Variants in RGS12 observed in about 807,000 individuals in gnomAD.
RGS12 encodes regulator of G protein signaling 12, also known as regulator of G-protein signaling 12.
Under a neutral mutation model 120.1 loss-of-function variants are expected in RGS12, and 66 were observed. The observed-to-expected ratio is 0.55, with a 90% confidence interval of 0.45 to 0.67. RGS12 has a LOEUF of 0.67. RGS12 is among the 30% of genes least tolerant of loss of function. RGS12 has a pLI of 0.00. For synonymous variants in RGS12, 827 were observed against 804.7 expected, an observed-to-expected ratio of 1.03 and a Z score of -0.47; for missense variants, 1,859 against 1,957.7, an observed-to-expected ratio of 0.95 and a Z score of 0.95.
intron 6 of RGS12, 38 bp downstream of exon 6, chr4:3,414,882 T>TGGCGTGTGAGAGAGACGCATGTGAGG: frequency 2.0e-6 from 3 of 1,474,902 alleles, no homozygotes; most frequent in Non-Finnish European, 2.8e-6. Flanking sequence ...TGTGTGAGAG[T>TGGCGTGTGAGAGAGACGCATGTGAGG]GGCGTGTGAG....
intron 3 of RGS12, among the ~76,000 whole-genome samples, chr4:3,345,044 T>C (rs1191879780): frequency 1.3e-5 from 2 of 152,188 alleles, no homozygotes; most frequent in Non-Finnish European, 2.9e-5. Flanking sequence ...GCAATGAGAA[T>C]ATGCATGCTG....
At chr4:3,286,121 T>A in the RGS12 span, among the ~76,000 whole-genome samples, 15 of 152,194 alleles carry the variant, frequency 9.9e-5, no homozygotes, top group Non-Finnish European at 8.8e-5. Flanking sequence ...TCCTTCTGGT[T>A]ATTCGTGAGG....
intron 2 of RGS12, chr4:3,342,490 G>A: frequency 7.8e-7 from 1 of 1,289,938 alleles, no homozygotes; most frequent in South Asian, 1.2e-5. Context: ...ATTTCCTAAA[G>A]TGCTTACAAA....
chr4:3,312,376 T>G (rs550408511), intron 1 of RGS12: 2 of 165,156 alleles, frequency 1.2e-5, no homozygotes, highest in Non-Finnish European at 2.7e-5. Context: ...ATTAAAACAT[T>G]AGCCAAGGTT....
chr4:3,423,691 C>T lies in RGS12; in HGVS notation c.3234+50C>T, dbSNP rs2109173284. ...GTCGTCACCGCAGGCACTGTCTGTTCCCTTTGGCAGCCTCTGTGTTGTTCA... is the reference window on the plus strand; with the variant it reads ...GTCGTCACCGCAGGCACTGTCTGTTTCCTTTGGCAGCCTCTGTGTTGTTCA... On this transcript the variant is annotated intron_variant, in intron 13 of 17. Transcript: ENST00000336727. 2.5e-6 allele frequency: 4 copies of T among 1,574,860 alleles called. 1 individual carries two copies. The South Asian group carries it at 3.4e-5, about 13-fold the overall frequency.
At chr4:3,338,861 G>GATT (rs992340209) in intron 2 of RGS12, among the ~76,000 whole-genome samples, 35 of 152,166 alleles carry the variant, frequency 2.3e-4, no homozygotes, top group African/African-American at 8.4e-4. Context: ...GAAGAGTCAA[G>GATT]ATTATGTCAC....
In RGS12 at chr4:3,316,920, C is replaced by A; in HGVS notation, c.750C>A (p.Asp250Glu). Reference sequence around the variant, plus strand: ...CCACGAGCTCCAACCTGGAGTCCGACAGCTTGCAAGCCATCCGCGGCTGCA... The same window carrying A: ...CCACGAGCTCCAACCTGGAGTCCGAAAGCTTGCAAGCCATCCGCGGCTGCA... ...LPSTSSNLESDSLQAIRGCMR... is the reference protein window; with the variant it reads ...LPSTSSNLESESLQAIRGCMR... Residue 250 changes from aspartate to glutamate, a missense_variant, in exon 2 of 18, where the codon GAC becomes GAA. Coordinates refer to ENST00000336727, the MANE Select transcript of RGS12 (RefSeq NM_001394154.1). 3 of 1,613,984 alleles carry A rather than the reference C, an allele frequency of 1.9e-6. No individual in the cohort carries two copies. The highest frequency in any genetic ancestry group is 2.5e-6 in the Non-Finnish European group (3 of 1,180,046).
At chr4:3,432,110 G>A (rs1724365250) in intron 17 of RGS12, 2 of 985,490 alleles carry the variant, frequency 2.0e-6, no homozygotes, top group Non-Finnish European at 1.2e-6. Context: ...GTGGACACCT[G>A]TGTGGCTCTC....
intron 9 of RGS12, chr4:3,419,284 T>C (rs2109138478): frequency 6.7e-6 from 1 of 150,300 alleles, no homozygotes; most frequent in East Asian, 2.0e-4. Flanking sequence ...TGAGCTGAGA[T>C]TGTGCCATTG....
intron 15 of RGS12, 111 bp downstream of exon 15, chr4:3,428,280 C>G (rs769636105): frequency 1.1e-4 from 107 of 1,017,902 alleles, no homozygotes; most frequent in Non-Finnish European, 1.3e-4. Flanking sequence ...CTGTGTGTCT[C>G]CCCCACGCTC....
intron 4 of RGS12, among the ~76,000 whole-genome samples, chr4:3,394,141 C>T (rs944984706): frequency 7.9e-5 from 12 of 152,118 alleles, no homozygotes; most frequent in African/African-American, 2.7e-4. Context: ...GCATTTCATC[C>T]GTCTGCTCCT....
rs1722511745 is a variant in RGS12, at chr4:3,417,282, T to A, written c.2608-106T>A. The A allele has an allele frequency of 2.2e-6, 3 of 1,345,626 alleles. No individual in the cohort carries two copies. The African/African-American group carries it at 4.4e-5, about 20-fold the overall frequency. 83.4% of individuals were successfully genotyped at this position (1,345,626 alleles called of 1,614,324 possible). ...ACCATGACCTGTAGAAGTGATACCA[T>A]CCCATAGAGTGCTTGTGTTTACAGC... On this transcript the variant is annotated intron_variant, in intron 8 of 17. Transcript: ENST00000336727.
chr4:3,425,626 G>A, intron 14 of RGS12, 66 bp downstream of exon 14: 1 of 1,290,246 alleles, frequency 7.8e-7, no homozygotes, highest in Non-Finnish European at 1.1e-6. Flanking sequence ...AGGGGGCTAT[G>A]GAGCCGGTGC....
Position 3,425,604 on chromosome 4 carries a change from C to T in RGS12, c.3331+44C>T, listed in dbSNP as rs1052726681. On this transcript the variant is annotated intron_variant, in intron 14 of 17. Transcript: ENST00000336727. ...GCGGATGGGGAGAGGGTGAGTGGGT[C>T]CAGTGCAGGGGAGGGGGCTATGGAG... The T allele has an allele frequency of 4.0e-6, 6 of 1,490,626 alleles. No individual in the cohort carries two copies. The African/African-American group carries it at 9.1e-5, about 23-fold the overall frequency. The allele number at this position is 1,490,626 out of a possible 1,614,324, so 92.3% of individuals were successfully genotyped here. A position where few individuals can be genotyped will look rare whatever the true frequency, so the allele number is the denominator to read the frequency against.
chr4:3,365,846 G>A lies in RGS12; in HGVS notation c.1999-20570G>A, dbSNP rs114912985. On this transcript the variant is annotated intron_variant, in intron 3 of 17. Coordinates refer to ENST00000336727, the MANE Select transcript of RGS12 (RefSeq NM_001394154.1). The surrounding 1 kb of genome is among the most constrained non-coding windows in gnomAD (Gnocchi z 4.0). ...CTGTCCTTAAGATCCTGTGAACTCC[G>A]GACATGTAATAGGATTCTTCAGTGC... is the stretch of plus-strand genomic sequence containing the variant. Among the ~76,000 whole-genome samples the A allele has an allele frequency of 0.011, 1,690 of 152,214 alleles. 41 individuals carry two copies. Among genetic ancestry groups the A allele is most frequent in the African/African-American group, 0.038 (1,586 of 41,488 alleles).
intron 1 of RGS12, among the ~76,000 whole-genome samples, chr4:3,310,084 C>T (rs59363182): frequency 2.9e-5 from 4 of 136,724 alleles, no homozygotes; most frequent in Non-Finnish European, 4.6e-5. Flanking sequence ...AGCTGGGACC[C>T]GGGAAATGGC....
intron 13 of RGS12, chr4:3,423,921 C>T (rs892158373): frequency 5.8e-5 from 21 of 360,872 alleles, no homozygotes; most frequent in Middle Eastern, 8.3e-4. Flanking sequence ...ACAAAGCAAC[C>T]AACCCTGGAC....
chr4:3,365,707 C>T lies in RGS12; in HGVS notation c.1999-20709C>T, dbSNP rs569011652. Among the ~76,000 whole-genome samples, 2 of 152,304 alleles carry T rather than the reference C, an allele frequency of 1.3e-5. No homozygotes were observed. The highest frequency in any genetic ancestry group is 4.1e-4 in the South Asian group (2 of 4,824). On this transcript the variant is annotated intron_variant, in intron 3 of 17. Coordinates refer to ENST00000336727, the MANE Select transcript of RGS12 (RefSeq NM_001394154.1). The surrounding 1 kb of genome is among the most constrained non-coding windows in gnomAD (Gnocchi z 4.0). ...TCAGAATAAGCTCCTTTTACCCTGT[C>T]TCTTAGGTTTGCGACTTTGCTATTT... is the stretch of plus-strand genomic sequence containing the variant.
chr4:3,288,894 C>T (rs201126665), upstream of RGS12, among the ~76,000 whole-genome samples: 93 of 152,290 alleles, frequency 6.1e-4, no homozygotes, highest in South Asian at 3.5e-3. The surrounding 1 kb of genome is among the most constrained non-coding windows in gnomAD (Gnocchi z 5.2). Context: ...CTGAGTGAGC[C>T]GCCATCCCCC....
Sources: gnomAD v4.1 joint callset for allele counts (sites outside exome capture counted in the v4.1 genomes callset) on GRCh38, gnomAD v4.1.1 for gene constraint, Gnocchi (gnomAD v3.1) non-coding constraint, MANE v1.5 for transcripts, NCBI Gene and HGNC (gene_info 2026-07-23, HGNC 2026-07-21) for gene names.